The following FRMD4A variants were observed in gnomAD, a reference collection of about 807,000 sequenced individuals.
FRMD4A encodes FERM domain-containing protein 4A.
Under a neutral mutation model 129.1 loss-of-function variants are expected in FRMD4A, and 29 were observed. The observed-to-expected ratio is 0.22, with a 90% CI of 0.17 to 0.31. The LOEUF is 0.31. FRMD4A is among the 10% of genes least tolerant of loss of function. The pLI is 1.00. For missense variants in FRMD4A, 1,272 were observed against 1,375.8 expected (o/e 0.92, Z 1.19); for synonymous variants, 634 against 571.6 (o/e 1.11, Z -1.56).
chr10:14,001,862 G>T (rs1382083574), intron 2 of FRMD4A, among the ~76,000 whole-genome samples: 1 of 152,186 alleles, frequency 6.6e-6, no homozygotes, highest in African/African-American at 2.4e-5. Flanking sequence ...GCGCTCAATG[G>T]TAATAAATAT....
intron 2 of FRMD4A, among the ~76,000 whole-genome samples, chr10:14,130,866 C>A (rs201780587): frequency 6.6e-6 from 1 of 152,164 alleles, no homozygotes; most frequent in African/African-American, 2.4e-5. Context: ...AGCTGTTTGG[C>A]TTGGGATTAA....
At chr10:14,150,087 T>C (rs573750545) in intron 2 of FRMD4A, among the ~76,000 whole-genome samples, 1 of 152,224 alleles carries the variant, frequency 6.6e-6, no homozygotes, top group Admixed American at 6.5e-5. Context: ...CCAGATCTCA[T>C]GAAAACTCTC....
At chr10:14,097,931 G>A (rs1255576065) in intron 2 of FRMD4A, among the ~76,000 whole-genome samples, 2 of 142,898 alleles carry the variant, frequency 1.4e-5, no homozygotes, top group South Asian at 2.1e-4. Flanking sequence ...TATAAAAATT[G>A]TATATTACAT....
chr10:13,939,247 G>A (rs182469711), intron 2 of FRMD4A, among the ~76,000 whole-genome samples: 130 of 152,306 alleles, frequency 8.5e-4, no homozygotes, highest in African/African-American at 2.6e-3. Context: ...CCTGGAGAGC[G>A]TTTAAGGTTT....
At chr10:13,847,897 T>A (rs1267587991) in intron 3 of FRMD4A, among the ~76,000 whole-genome samples, 2 of 152,202 alleles carry the variant, frequency 1.3e-5, no homozygotes, top group Non-Finnish European at 2.9e-5. Context: ...AATTAAGCAA[T>A]GTGCCCAAAA....
chr10:13,804,619 C>T (rs982382315), intron 4 of FRMD4A, among the ~76,000 whole-genome samples: 16 of 151,884 alleles, frequency 1.1e-4, no homozygotes, highest in African/African-American at 3.6e-4. Context: ...TCTTGGCTCA[C>T]TGCAATCTCC....
At chr10:13,782,259 C>T (rs2092755848) in intron 6 of FRMD4A, among the ~76,000 whole-genome samples, 1 of 152,106 alleles carries the variant, frequency 6.6e-6, no homozygotes, top group Non-Finnish European at 1.5e-5. Flanking sequence ...TCATTCCTAT[C>T]TGCAAGACCT....
intron 16 of FRMD4A, among the ~76,000 whole-genome samples, chr10:13,671,089 G>T (rs2083472685): frequency 6.6e-6 from 1 of 152,214 alleles, no homozygotes. Context: ...AGTAAGGATA[G>T]TAACCTACTC....
chr10:13,948,974 T>A (rs2095353238), intron 2 of FRMD4A, among the ~76,000 whole-genome samples: 1 of 152,168 alleles, frequency 6.6e-6, no homozygotes, highest in African/African-American at 2.4e-5. Flanking sequence ...TAAGTTAAAA[T>A]GCAAACAATT....
intron 2 of FRMD4A, among the ~76,000 whole-genome samples, chr10:14,097,626 T>C (rs1426515281): frequency 4.6e-5 from 7 of 152,036 alleles, no homozygotes; most frequent in African/African-American, 1.7e-4. Flanking sequence ...ATTATACTTA[T>C]AGATATATTA....
intron 2 of FRMD4A, among the ~76,000 whole-genome samples, chr10:13,970,865 G>T (rs1452071614): frequency 6.6e-6 from 1 of 152,124 alleles, no homozygotes; most frequent in Non-Finnish European, 1.5e-5. Flanking sequence ...TGCACCCACC[G>T]CCAGTTAACT....
intron 2 of FRMD4A, among the ~76,000 whole-genome samples, chr10:13,872,583 G>A (rs933569800): frequency 2.6e-5 from 4 of 152,242 alleles, no homozygotes; most frequent in Non-Finnish European, 5.9e-5. Flanking sequence ...TCACGCAGAC[G>A]TTCTGCAAGG....
Position 14,330,142 on chromosome 10 carries a change from G to A in FRMD4A, c.-40C>T. 1 of 1,548,550 alleles carries A rather than the reference G, an allele frequency of 6.5e-7. No individual in the cohort carries two copies. Among genetic ancestry groups the A allele is most frequent in the South Asian group, 1.2e-5 (1 of 83,984 alleles). On this transcript the variant is annotated 5_prime_UTR_variant, in exon 2 of 25. Transcript: ENST00000357447. Reference sequence around the variant, plus strand: ...ATGCACGAATCCTGCTGCCGAGTCAGTCCTCCTGGGCCCCGGGTGGCTACA... The same window carrying A: ...ATGCACGAATCCTGCTGCCGAGTCAATCCTCCTGGGCCCCGGGTGGCTACA...
intron 3 of FRMD4A, among the ~76,000 whole-genome samples, chr10:13,817,618 T>G (rs1383891163): frequency 6.6e-6 from 1 of 152,238 alleles, no homozygotes; most frequent in Non-Finnish European, 1.5e-5. Context: ...TCTCACAAGA[T>G]CTGACGGTTT....
chr10:13,950,086 G>A (rs928264398), intron 2 of FRMD4A, among the ~76,000 whole-genome samples: 6 of 152,182 alleles, frequency 3.9e-5, no homozygotes, highest in African/African-American at 1.4e-4. Flanking sequence ...GGTTAATTTG[G>A]TCTGACCTTA....
chr10:13,956,681 T>C (rs1403400481), intron 2 of FRMD4A, among the ~76,000 whole-genome samples: 2 of 152,186 alleles, frequency 1.3e-5, no homozygotes, highest in African/African-American at 4.8e-5. Flanking sequence ...TAATTGTGGA[T>C]GTATGGCTGT....
intron 2 of FRMD4A, among the ~76,000 whole-genome samples, chr10:14,009,814 C>CAG (rs10691331): frequency 0.63 from 95,191 of 151,782 alleles, 32,120 homozygotes; most frequent in Non-Finnish European, 0.76. Context: ...GTGAGAGAGA[C>CAG]GGGGAGACGG....
At chr10:14,138,237 G>A (rs2400040) in intron 2 of FRMD4A, among the ~76,000 whole-genome samples, 37,265 of 152,066 alleles carry the variant, frequency 0.25, 5,457 homozygotes, top group East Asian at 0.51. Flanking sequence ...ACACCAAGGT[G>A]ACCAAGACCT....
At chr10:14,169,719 T>C (rs904403057) in intron 2 of FRMD4A, among the ~76,000 whole-genome samples, 3 of 152,196 alleles carry the variant, frequency 2.0e-5, no homozygotes, top group African/African-American at 7.2e-5. Flanking sequence ...CATTTTGATA[T>C]CAGCAAACAT....
Sources: allele counts gnomAD v4.1 joint callset (sites outside exome capture counted in the v4.1 genomes callset), GRCh38; gene constraint gnomAD v4.1.1; transcripts MANE v1.5; gene names NCBI Gene and HGNC (gene_info 2026-07-23, HGNC 2026-07-21).